The following CSMD1 variants were observed in gnomAD, a reference collection of about 807,000 sequenced individuals.
The protein encoded by CSMD1 is CUB and sushi domain-containing protein 1.
CSMD1 carries 213 observed loss-of-function variants against 417.5 expected under a neutral mutation model. That is an observed-to-expected ratio of 0.51 (90% CI 0.46 to 0.57). The LOEUF is 0.57. Among genes scored for constraint, CSMD1 ranks in the 20% least tolerant of loss-of-function variants. The pLI is 0.00. For synonymous variants in CSMD1, 2,862 were observed against 1,736.8 expected, an observed-to-expected ratio of 1.65 and a Z score of -16.11; for missense variants, 6,923 against 4,529.7, an observed-to-expected ratio of 1.53 and a Z score of -15.17.
chr8:4,041,021 T>C (rs200187224), intron 3 of CSMD1, among the ~76,000 whole-genome samples: 5 of 136,478 alleles, frequency 3.7e-5, no homozygotes, highest in African/African-American at 8.3e-5. Context: ...TTTTTCCTTT[T>C]TTTTTTTTTT....
chr8:3,249,972 C>T (rs1279744991), intron 26 of CSMD1, among the ~76,000 whole-genome samples: 1 of 152,136 alleles, frequency 6.6e-6, no homozygotes, highest in Non-Finnish European at 1.5e-5. Flanking sequence ...AGGTTAAAAA[C>T]TAGTGAACAG....
intron 2 of CSMD1, among the ~76,000 whole-genome samples, chr8:4,454,366 C>T (rs908857567): frequency 7.9e-5 from 12 of 152,158 alleles, no homozygotes; most frequent in Admixed American, 3.9e-4. Context: ...TCTCCCAACA[C>T]ATACCTCTTG....
At chr8:3,899,114 T>C (rs1484501351) in intron 5 of CSMD1, among the ~76,000 whole-genome samples, 1 of 152,202 alleles carries the variant, frequency 6.6e-6, no homozygotes, top group Non-Finnish European at 1.5e-5. Context: ...GCATAAGTAC[T>C]GACTGGCGCC....
intron 5 of CSMD1, among the ~76,000 whole-genome samples, chr8:3,973,294 G>C (rs1813207274): frequency 6.6e-6 from 1 of 152,290 alleles, no homozygotes; most frequent in South Asian, 2.1e-4. Context: ...TCTCCCACCT[G>C]CCGAGGGATT....
chr8:3,283,938 T>A (rs558359216), intron 26 of CSMD1, among the ~76,000 whole-genome samples: 1 of 152,262 alleles, frequency 6.6e-6, no homozygotes, highest in Non-Finnish European at 1.5e-5. Context: ...TCTCTTAAGC[T>A]GGCTTCTGTT....
At chr8:4,906,564 C>A (rs1011017574) in intron 1 of CSMD1, among the ~76,000 whole-genome samples, 7 of 112,094 alleles carry the variant, frequency 6.2e-5, no homozygotes, top group African/African-American at 2.4e-4. Context: ...GTAGCTATTA[C>A]ATTTTGAGTT....
chr8:3,551,062 G>T (rs972759009), intron 10 of CSMD1, among the ~76,000 whole-genome samples: 2 of 152,144 alleles, frequency 1.3e-5, no homozygotes, highest in Non-Finnish European at 2.9e-5. Context: ...CTCTCACCAT[G>T]CTGTGAGAGC....
intron 25 of CSMD1, among the ~76,000 whole-genome samples, chr8:3,289,830 A>C (rs1191602497): frequency 6.8e-6 from 1 of 147,190 alleles, no homozygotes; most frequent in South Asian, 2.1e-4. Context: ...CTTTAGTTTA[A>C]TTAGATACCA....
chr8:4,707,927 A>AGG (rs1563187019), intron 1 of CSMD1, among the ~76,000 whole-genome samples: 1 of 129,082 alleles, frequency 7.7e-6, no homozygotes, highest in African/African-American at 2.9e-5. Context: ...AAAAAAAAAA[A>AGG]AAGAGGGGAA....
chr8:4,129,603 T>G (rs1005935033), intron 3 of CSMD1, among the ~76,000 whole-genome samples: 1 of 151,724 alleles, frequency 6.6e-6, no homozygotes, highest in Non-Finnish European at 1.5e-5. Context: ...TTATTATTAC[T>G]GACCTACTCT....
intron 8 of CSMD1, among the ~76,000 whole-genome samples, chr8:3,596,415 T>C (rs1211814009): frequency 2.0e-5 from 3 of 152,116 alleles, no homozygotes; most frequent in Admixed American, 6.5e-5. Flanking sequence ...AAGTCAACAA[T>C]GGAGGAGGCT....
intron 3 of CSMD1, among the ~76,000 whole-genome samples, chr8:4,191,682 G>C (rs780486001): frequency 2.8e-5 from 4 of 143,378 alleles, no homozygotes; most frequent in Non-Finnish European, 6.0e-5. Flanking sequence ...ATTGATTTCA[G>C]TTCTTTGTGC....
chr8:3,563,582 A>G (rs1346500194), intron 10 of CSMD1, among the ~76,000 whole-genome samples: 1 of 152,056 alleles, frequency 6.6e-6, no homozygotes, highest in Non-Finnish European at 1.5e-5. Context: ...ACAAAACAAA[A>G]ACACAAGTAA....
At chr8:3,301,700 G>T (rs552804172) in intron 25 of CSMD1, among the ~76,000 whole-genome samples, 2 of 152,224 alleles carry the variant, frequency 1.3e-5, no homozygotes, top group East Asian at 3.9e-4. Context: ...GATACACCTG[G>T]AAAGCCGCAC....
chr8:3,307,018 A>C (rs1428012412), intron 25 of CSMD1, among the ~76,000 whole-genome samples: 1 of 130,138 alleles, frequency 7.7e-6, no homozygotes. Flanking sequence ...GTCTACCTCA[A>C]AGTTACTTTG....
At chr8:4,142,855 T>C (rs1052223771) in intron 3 of CSMD1, among the ~76,000 whole-genome samples, 3 of 151,210 alleles carry the variant, frequency 2.0e-5, no homozygotes, top group African/African-American at 7.4e-5. Context: ...GTGCTGTTTC[T>C]AATATCATCA....
intron 23 of CSMD1, 93 bp from the exon 24 acceptor site, chr8:3,308,596 T>C (rs1584972219): frequency 1.0e-6 from 1 of 988,510 alleles, no homozygotes; most frequent in South Asian, 1.7e-5. Context: ...TAAATGCTCC[T>C]TGAAGGGTAG....
chr8:3,221,506 C>T (rs956044296), intron 28 of CSMD1, among the ~76,000 whole-genome samples: 2 of 149,912 alleles, frequency 1.3e-5, no homozygotes, highest in Non-Finnish European at 2.9e-5. Context: ...TTATGCAATA[C>T]TGCAAATACT....
chr8:3,078,064 C>A (rs1279698080), intron 49 of CSMD1, among the ~76,000 whole-genome samples: 2 of 152,136 alleles, frequency 1.3e-5, no homozygotes, highest in African/African-American at 2.4e-5. Flanking sequence ...TTTCTCAACG[C>A]GAAGCACATT....
Sources: allele counts gnomAD v4.1 joint callset (sites outside exome capture counted in the v4.1 genomes callset), GRCh38; gene constraint gnomAD v4.1.1; transcripts MANE v1.5; gene names NCBI Gene and HGNC (gene_info 2026-07-23, HGNC 2026-07-21).